The following DTWD2 variants were observed in gnomAD, a reference collection of about 807,000 sequenced individuals.
DTWD2 encodes tRNA-uridine aminocarboxypropyltransferase 2.
In DTWD2, 39 loss-of-function variants were observed where a neutral mutation model predicts 31.8. The observed-to-expected ratio is 1.22, with a 90% CI of 0.95 to 1.60. The LOEUF (loss-of-function observed/expected upper bound fraction) is 1.60. DTWD2 is among the 40% of genes most tolerant of loss of function. The pLI is 0.00. For missense variants in DTWD2, 515 were observed against 381.5 expected (o/e 1.35, Z -2.92); for synonymous variants, 180 against 142.8 (o/e 1.26, Z -1.86).
chr5:118,857,390 T>A (rs184562028), intron 4 of DTWD2, among the ~76,000 whole-genome samples: 2 of 152,316 alleles, frequency 1.3e-5, no homozygotes, highest in East Asian at 3.9e-4. Flanking sequence ...TGGCCATATG[T>A]TGGGGGTTTT....
chr5:118,857,025 C>T (rs2149542549), intron 4 of DTWD2, among the ~76,000 whole-genome samples: 1 of 152,076 alleles, frequency 6.6e-6, no homozygotes, highest in Non-Finnish European at 1.5e-5. Context: ...GATCTGCCCA[C>T]CTCAGCCTCC....
intron 4 of DTWD2, among the ~76,000 whole-genome samples, chr5:118,872,554 G>A (rs1420789930): frequency 6.6e-6 from 1 of 152,226 alleles, no homozygotes; most frequent in Non-Finnish European, 1.5e-5. Context: ...AGAAAGGCCA[G>A]TAGGTGGAAC....
chr5:118,872,025 C>G (rs1444336325), intron 4 of DTWD2, among the ~76,000 whole-genome samples: 2 of 152,210 alleles, frequency 1.3e-5, no homozygotes, highest in Non-Finnish European at 2.9e-5. Context: ...TCACCTTGCA[C>G]TTTTTTGTTA....
chr5:118,922,006 T>C (rs1018798822), intron 4 of DTWD2, among the ~76,000 whole-genome samples: 1 of 152,232 alleles, frequency 6.6e-6, no homozygotes, highest in East Asian at 1.9e-4. Flanking sequence ...TTAGTGGACA[T>C]TTTAACAGCA....
rs144408754 is a variant in DTWD2 at position 118,897,033 on chromosome 5, A to G, written c.597+31504T>C. ...TAAATGGTTGTTGCTTTAAGACAAC[A>G]TTTTGTGGGAGTTTGTTATGCAATA... is the stretch of plus-strand genomic sequence containing the variant. On this transcript the variant is annotated intron_variant, in intron 4 of 5. Coordinates refer to ENST00000510708, the MANE Select transcript of DTWD2 (RefSeq NM_173666.4). Among the ~76,000 whole-genome samples, 244 of 152,344 alleles carry G rather than the reference A, an allele frequency of 1.6e-3. 1 individual carries two copies. Among genetic ancestry groups the G allele is most frequent in the Non-Finnish European group, 2.9e-3 (199 of 68,034 alleles).
chr5:118,976,467 A>G (rs1172480324), intron 1 of DTWD2, among the ~76,000 whole-genome samples: 2 of 152,182 alleles, frequency 1.3e-5, no homozygotes, highest in Non-Finnish European at 2.9e-5. Flanking sequence ...AAGAAAAAAG[A>G]GAAGAATCAA....
intron 3 of DTWD2, 91 bp from the exon 4 acceptor site, chr5:118,928,820 T>G (rs557476358): frequency 6.5e-6 from 7 of 1,076,198 alleles, no homozygotes; most frequent in Non-Finnish European, 9.0e-6. Flanking sequence ...AAAGTTTCCC[T>G]ATATGTAGTC....
intron 4 of DTWD2, among the ~76,000 whole-genome samples, chr5:118,893,517 G>T (rs1230252540): frequency 6.6e-6 from 1 of 151,830 alleles, no homozygotes; most frequent in Admixed American, 6.6e-5. Context: ...AAGAAAGAAG[G>T]GATATAGAAA....
At chr5:118,864,208 T>C (rs1235840776) in intron 4 of DTWD2, among the ~76,000 whole-genome samples, 4 of 148,198 alleles carry the variant, frequency 2.7e-5, no homozygotes, top group Admixed American at 2.0e-4. Flanking sequence ...CCATAAAAAA[T>C]GATGAGTTCA....
chr5:118,921,264 T>G (rs181156785), intron 4 of DTWD2, among the ~76,000 whole-genome samples: 189 of 151,880 alleles, frequency 1.2e-3, no homozygotes, highest in African/African-American at 4.4e-3. Flanking sequence ...AAAAAGTAAA[T>G]CCCTTGAGAG....
intron 4 of DTWD2, among the ~76,000 whole-genome samples, chr5:118,916,665 CAAAAAA>C (rs750721731): frequency 1.1e-5 from 1 of 90,358 alleles, no homozygotes. Context: ...AACTCTGTCC[CAAAAAA>C]AAAAAAAAAA....
chr5:118,939,306 G>T lies in DTWD2; in HGVS notation c.310-16C>A. On this transcript the variant is annotated splice_polypyrimidine_tract_variant and intron_variant, in intron 2 of 5. Transcript: ENST00000510708. Reference sequence around the variant, plus strand: ...CTTTGTTTTCCTTTAATTAAAAAATGAATTGAAACATAGATTTTTACTTAG... The same window carrying T: ...CTTTGTTTTCCTTTAATTAAAAAATTAATTGAAACATAGATTTTTACTTAG... 2 of 1,541,548 alleles carry T rather than the reference G, an allele frequency of 1.3e-6. No homozygotes were observed. The highest frequency in any genetic ancestry group is 2.5e-5 in the South Asian group (2 of 79,458).
At chr5:118,859,993 C>T (rs1752222870) in intron 4 of DTWD2, among the ~76,000 whole-genome samples, 1 of 151,964 alleles carries the variant, frequency 6.6e-6, no homozygotes, top group Non-Finnish European at 1.5e-5. Context: ...TAGCATGCAC[C>T]TGCAGTCCCA....
intron 4 of DTWD2, among the ~76,000 whole-genome samples, chr5:118,902,585 T>C (rs773071434): frequency 1.3e-5 from 2 of 152,240 alleles, no homozygotes; most frequent in Admixed American, 1.3e-4. Context: ...AAAATATATA[T>C]GTTTTTAAAG....
chr5:118,952,434 G>A (rs1754487648), intron 1 of DTWD2, among the ~76,000 whole-genome samples: 1 of 152,138 alleles, frequency 6.6e-6, no homozygotes, highest in African/African-American at 2.4e-5. Flanking sequence ...GGTAGGTAGT[G>A]GAAAATTACA....
At chr5:118,912,910 AAC>A (rs979440132) in intron 4 of DTWD2, among the ~76,000 whole-genome samples, 133 of 152,318 alleles carry the variant, frequency 8.7e-4, no homozygotes, top group African/African-American at 3.1e-3. Context: ...AAAAGTCCTA[AAC>A]ACAAACTAAA....
rs1751601620 is a variant in DTWD2, at chr5:118,837,603, T to C, written c.*3314A>G. The C allele has an allele frequency of 6.6e-6, 1 of 152,120 alleles. No homozygotes were observed. The highest frequency in any genetic ancestry group is 1.9e-4 in the East Asian group (1 of 5,192). The allele number at this position is 152,120 out of a possible 1,614,324, so 9.4% of individuals were successfully genotyped here. ...ACCTATTTAGGGCAACAGTTGGAAATATGTGATGAAGAAACTGAGTAAATT... is the reference window on the plus strand; with the variant it reads ...ACCTATTTAGGGCAACAGTTGGAAACATGTGATGAAGAAACTGAGTAAATT... On this transcript the variant is annotated 3_prime_UTR_variant, in exon 6 of 6. Transcript: ENST00000510708.
chr5:118,908,530 T>C (rs1753385063), intron 4 of DTWD2, among the ~76,000 whole-genome samples: 2 of 152,090 alleles, frequency 1.3e-5, no homozygotes, highest in South Asian at 2.1e-4. Flanking sequence ...AACCGTGTCT[T>C]ATATAGCCTA....
chr5:118,988,314 C>G lies in DTWD2; in HGVS notation c.198G>C (p.Arg66Ser), dbSNP rs771825191. Residue 66 changes from arginine (R) to serine (S), a missense_variant, in exon 1 of 6, where the codon AGG becomes AGC. By Grantham distance (110) the Arg-to-Ser change is moderately radical (BLOSUM62 -1). Coordinates refer to ENST00000510708, the MANE Select transcript of DTWD2 (RefSeq NM_173666.4). ...WELPVEPAER[R>S]PECTRCSRPQ... ...GTCACCTGCAGCGGGTGCACTCAGG[C>G]CTCCGCTCGGCCGGCTCCACCGGCA... The G allele has an allele frequency of 1.3e-6, 2 of 1,527,682 alleles. No individual in the cohort carries two copies. Among genetic ancestry groups the G allele is most frequent in the East Asian group, 5.0e-5 (2 of 39,812 alleles). 94.6% of individuals were successfully genotyped at this position (1,527,682 alleles called of 1,614,324 possible). A position where few individuals can be genotyped will look rare whatever the true frequency, so the allele number is the denominator to read the frequency against.
Sources: allele counts gnomAD v4.1 joint callset (sites outside exome capture counted in the v4.1 genomes callset), GRCh38; gene constraint gnomAD v4.1.1; transcripts MANE v1.5; gene names NCBI Gene and HGNC (gene_info 2026-07-23, HGNC 2026-07-21).